The following TFEC variants were observed in gnomAD, a reference collection of about 807,000 sequenced individuals.
TFEC encodes class E basic helix-loop-helix protein 34.
In TFEC, 31 loss-of-function variants were observed where a neutral mutation model predicts 41.6. That is an observed-to-expected ratio of 0.74 (90% CI 0.56 to 1.01). TFEC has a LOEUF of 1.01. Among genes scored for constraint, TFEC ranks in the 50% least tolerant of loss-of-function variants. The probability of loss-of-function intolerance (pLI) is 0.00; values close to 1 mark genes in which losing one functional copy is unlikely to be tolerated. For missense variants in TFEC, 402 were observed against 404.1 expected, an observed-to-expected ratio of 0.99 and a Z score of 0.04; for synonymous variants, 143 against 140.6, an observed-to-expected ratio of 1.02 and a Z score of -0.12.
At chr7:116,015,533 T>C (rs868213307) in intron 1 of TFEC, among the ~76,000 whole-genome samples, 4 of 152,042 alleles carry the variant, frequency 2.6e-5, no homozygotes, top group South Asian at 4.1e-4. Flanking sequence ...AATAATGTGA[T>C]CAATTAGCAT....
At chr7:116,065,686 A>G (rs1247128852) in intron 3 of TFEC, among the ~76,000 whole-genome samples, 4 of 152,106 alleles carry the variant, frequency 2.6e-5, no homozygotes, top group Non-Finnish European at 5.9e-5. Flanking sequence ...AGTATGGTAG[A>G]TTTTCATAAA....
At chr7:116,118,578 A>G (rs1457736075) in intron 1 of TFEC, among the ~76,000 whole-genome samples, 3 of 151,720 alleles carry the variant, frequency 2.0e-5, no homozygotes, top group Admixed American at 6.6e-5. Flanking sequence ...CCTACACACA[A>G]TTGTTCAGGA....
chr7:115,966,286 C>T (rs1254471167), intron 3 of TFEC, among the ~76,000 whole-genome samples: 2 of 151,664 alleles, frequency 1.3e-5, no homozygotes, highest in Admixed American at 1.3e-4. Flanking sequence ...CAACAATAGA[C>T]TTCAAACCCT....
At chr7:116,104,126 G>A (rs10269713) in intron 3 of TFEC, among the ~76,000 whole-genome samples, 18,918 of 152,150 alleles carry the variant, frequency 0.12, 1,294 homozygotes, top group Middle Eastern at 0.18. Flanking sequence ...TTTATTATCC[G>A]AAGGTTGTCT....
chr7:116,143,069 G>A (rs568965867), intron 1 of TFEC, among the ~76,000 whole-genome samples: 78 of 152,250 alleles, frequency 5.1e-4, no homozygotes, highest in Middle Eastern at 3.4e-3. Flanking sequence ...TCAGGCGTGC[G>A]ACTTTGAAGT....
chr7:116,113,990 T>C (rs1797914986), intron 1 of TFEC, among the ~76,000 whole-genome samples: 1 of 151,960 alleles, frequency 6.6e-6, no homozygotes, highest in African/African-American at 2.4e-5. Context: ...GTACATAGAA[T>C]GGATGCTATC....
chr7:115,986,608 G>A (rs990482209), intron 1 of TFEC, among the ~76,000 whole-genome samples: 1 of 151,966 alleles, frequency 6.6e-6, no homozygotes, highest in African/African-American at 2.4e-5. Flanking sequence ...GCAGGCAAAG[G>A]AAAGAACATC....
At chr7:116,056,320 T>A (rs1796429814) in intron 3 of TFEC, among the ~76,000 whole-genome samples, 1 of 152,064 alleles carries the variant, frequency 6.6e-6, no homozygotes, top group Non-Finnish European at 1.5e-5. Flanking sequence ...GGTCTGGTAG[T>A]ATTGGGAGAC....
intron 3 of TFEC, among the ~76,000 whole-genome samples, chr7:116,097,516 A>G (rs2115909266): frequency 6.6e-6 from 1 of 152,306 alleles, no homozygotes; most frequent in South Asian, 2.1e-4. Flanking sequence ...TGAGACAGCA[A>G]AAGTTAATCT....
intron 2 of TFEC, chr7:116,111,018 G>A (rs1402783506): frequency 3.4e-6 from 2 of 587,864 alleles, no homozygotes; most frequent in Non-Finnish European, 5.2e-6. Flanking sequence ...AATAAATTTA[G>A]TAAATGATAA....
intron 3 of TFEC, among the ~76,000 whole-genome samples, chr7:115,970,233 C>T (rs1433185705): frequency 6.6e-6 from 1 of 151,918 alleles, no homozygotes; most frequent in Non-Finnish European, 1.5e-5. Context: ...GATAGCTCTT[C>T]AAGAAGAAGG....
At chr7:116,066,622 T>C (rs937837211) in intron 3 of TFEC, among the ~76,000 whole-genome samples, 1 of 152,106 alleles carries the variant, frequency 6.6e-6, no homozygotes, top group South Asian at 2.1e-4. Context: ...AGTGTTTGAA[T>C]GTAACTGGGC....
Position 115,940,884 on chromosome 7 carries a change from T to G in TFEC, c.711A>C (p.Ser237=), listed in dbSNP as rs771609414. The change falls in exon 8 of 8, where the codon TCA becomes TCC. Residue 237 remains serine, a synonymous_variant. Transcript: ENST00000265440. ...GAGCACCTAAATCAACCGTGCCAAGTGAAGCCAGGGTTGGCAGACCATGAG... is the reference window on the plus strand; with the variant it reads ...GAGCACCTAAATCAACCGTGCCAAGGGAAGCCAGGGTTGGCAGACCATGAG... ...ARTHGLPTLA[S]LGTVDLGAHV... 3.7e-6 allele frequency: 6 copies of G among 1,611,646 alleles called. No homozygotes were observed. Among genetic ancestry groups the G allele is most frequent in the Non-Finnish European group, 8.5e-7 (1 of 1,178,486 alleles).
chr7:116,036,584 C>G lies in TFEC; in HGVS notation c.199-52071G>C, dbSNP rs137912473. Among the ~76,000 whole-genome samples the G allele has an allele frequency of 5.9e-3, 900 of 152,146 alleles. 5 individuals carry two copies. The highest frequency in any genetic ancestry group is 9.7e-3 in the Non-Finnish European group (656 of 67,962). On this transcript the variant is annotated intron_variant, in intron 3 of 8. Transcript: ENST00000484212. ...ATGTTCTTTACATTAGTGTTCCCATCAAAACTAATGCTGTAATTATTTATT... is the reference window on the plus strand; with the variant it reads ...ATGTTCTTTACATTAGTGTTCCCATGAAAACTAATGCTGTAATTATTTATT...
intron 1 of TFEC, among the ~76,000 whole-genome samples, chr7:115,989,847 C>A (rs6968389): frequency 0.1 from 15,394 of 152,232 alleles, 1,132 homozygotes; most frequent in East Asian, 0.38. Flanking sequence ...CAGACTTAAA[C>A]GTCACTGTCT....
At chr7:116,062,225 C>CTTTTTTTTTTTTTTTTTTTTTT (rs569480964) in intron 3 of TFEC, among the ~76,000 whole-genome samples, 4 of 51,900 alleles carry the variant, frequency 7.7e-5, no homozygotes, top group African/African-American at 3.4e-4. Context: ...CATGCCTGGC[C>CTTTTTTTTTTTTTTTTTTTTTT]TTTTTTTTTT....
rs746517498 is a variant in TFEC, at chr7:116,125,785, C to A, written c.-68-13747G>T. Among the ~76,000 whole-genome samples, 5 of 152,176 alleles carry A rather than the reference C, an allele frequency of 3.3e-5. 1 individual carries two copies. The South Asian group carries it at 8.3e-4, about 25-fold the overall frequency. On this transcript the variant is annotated intron_variant, in intron 1 of 8. Transcript: ENST00000484212. The stretch of plus-strand genomic sequence containing the variant: ...AAGGTTGGTGCCTCCGGGGATTGGA[C>A]AACTTCAGTAAGACATATTTGCAGC...
chr7:116,069,794 C>A (rs1420188828), intron 3 of TFEC, among the ~76,000 whole-genome samples: 2 of 151,534 alleles, frequency 1.3e-5, no homozygotes, highest in Non-Finnish European at 3.0e-5. Context: ...CTTTTGCCAA[C>A]CACAATTCAT....
At position 116,123,859 on chromosome 7, in the gene TFEC, GC is replaced by G. The variant is rs560852235; in HGVS notation, c.-68-11822del. ...TAATTGTTTTATAAGTATTATGTCT[GC>G]AAAGGAAGTTCCATGGTTTAAATGT... On this transcript the variant is annotated intron_variant, in intron 1 of 8. Transcript: ENST00000484212. 7.9e-5 allele frequency among the ~76,000 whole-genome samples: 12 copies of G among 152,162 alleles called. No homozygotes were observed. In the East Asian group the frequency reaches 2.3e-3, roughly 29 times the overall value.
Sources: gnomAD v4.1 joint callset for allele counts (sites outside exome capture counted in the v4.1 genomes callset) on GRCh38, gnomAD v4.1.1 for gene constraint, MANE v1.5 for transcripts, NCBI Gene and HGNC (gene_info 2026-07-23, HGNC 2026-07-21) for gene names.